The following MRTFA variants were observed in gnomAD, a reference collection of about 807,000 sequenced individuals.
The protein encoded by MRTFA is myocardin-related transcription factor A.
Under a neutral mutation model 83.5 loss-of-function variants are expected in MRTFA, and 20 were observed. The ratio of observed to expected loss-of-function variants is 0.24; its 90% CI spans 0.17 to 0.35. The LOEUF (loss-of-function observed/expected upper bound fraction) is 0.35, where lower values mean the gene tolerates loss of function less well. Among genes scored for constraint, MRTFA ranks in the 10% least tolerant of loss-of-function variants. The pLI is 1.00. For synonymous variants in MRTFA, 659 were observed against 541.2 expected (o/e 1.22, Z -3.02); for missense variants, 1,200 against 1,224.7 (o/e 0.98, Z 0.30).
intron 3 of MRTFA, among the ~76,000 whole-genome samples, chr22:40,487,747 A>G (rs2054196420): frequency 6.6e-6 from 1 of 152,226 alleles, no homozygotes; most frequent in Non-Finnish European, 1.5e-5. Flanking sequence ...TCTGGAGGCC[A>G]GAATCGTTAA....
chr22:40,533,319 T>G (rs1216792314), intron 3 of MRTFA, among the ~76,000 whole-genome samples: 1 of 152,222 alleles, frequency 6.6e-6, no homozygotes, highest in African/African-American at 2.4e-5. Flanking sequence ...AACACTTGAT[T>G]AAAGAAGACA....
At chr22:40,535,714 G>C (rs2055160092) in intron 3 of MRTFA, among the ~76,000 whole-genome samples, 1 of 152,066 alleles carries the variant, frequency 6.6e-6, no homozygotes, top group Non-Finnish European at 1.5e-5. Flanking sequence ...AGTTTTCACA[G>C]TTCGGTATTT....
intron 3 of MRTFA, among the ~76,000 whole-genome samples, chr22:40,470,263 A>ATT (rs1162118812): frequency 8.5e-6 from 1 of 117,354 alleles, no homozygotes; most frequent in African/African-American, 3.6e-5. Context: ...ATATATATAT[A>ATT]TATATATATA....
intron 1 of MRTFA, among the ~76,000 whole-genome samples, chr22:40,611,835 G>A (rs1340588225): frequency 6.6e-6 from 1 of 152,086 alleles, no homozygotes; most frequent in African/African-American, 2.4e-5. Flanking sequence ...GAAGCAATTT[G>A]GTTCTAGCAA....
intron 4 of MRTFA, among the ~76,000 whole-genome samples, chr22:40,442,527 A>G (rs886979856): frequency 6.7e-6 from 1 of 150,224 alleles, no homozygotes; most frequent in African/African-American, 2.5e-5. Flanking sequence ...CCATCCCTCC[A>G]TCTGCCCGCC....
At chr22:40,631,342 GA>G (rs1231077613) in intron 1 of MRTFA, among the ~76,000 whole-genome samples, 1 of 152,130 alleles carries the variant, frequency 6.6e-6, no homozygotes, top group African/African-American at 2.4e-5. Flanking sequence ...CCATGATAAT[GA>G]CATGCATGTA....
chr22:40,571,458 T>G (rs2055791539), intron 2 of MRTFA, among the ~76,000 whole-genome samples: 2 of 152,022 alleles, frequency 1.3e-5, no homozygotes, highest in Non-Finnish European at 2.9e-5. Context: ...TAAAGTTTTG[T>G]GCATCAAAGG....
At chr22:40,533,509 T>C in intron 3 of MRTFA, 3 of 837,598 alleles carry the variant, frequency 3.6e-6, no homozygotes, top group Non-Finnish European at 4.8e-6. Context: ...ATATGACCCA[T>C]TTTTTTTAAA....
chr22:40,615,275 C>T (rs59047419), intron 1 of MRTFA, among the ~76,000 whole-genome samples: 6 of 152,086 alleles, frequency 3.9e-5, no homozygotes, highest in African/African-American at 9.7e-5. Flanking sequence ...ATTATGTTTG[C>T]GCTATTGCTG....
intron 3 of MRTFA, among the ~76,000 whole-genome samples, chr22:40,488,555 G>A (rs1237910335): frequency 6.6e-6 from 1 of 152,012 alleles, no homozygotes; most frequent in Non-Finnish European, 1.5e-5. Flanking sequence ...TCAGCCGGGT[G>A]CAGTGGCTCA....
chr22:40,550,700 G>C (rs946248232), intron 3 of MRTFA, among the ~76,000 whole-genome samples: 10 of 151,866 alleles, frequency 6.6e-5, no homozygotes, highest in African/African-American at 2.4e-4. Flanking sequence ...TATTCACATG[G>C]GTAAATAATA....
chr22:40,584,869 C>G (rs914795107), intron 2 of MRTFA, among the ~76,000 whole-genome samples: 6 of 151,552 alleles, frequency 4.0e-5, no homozygotes, highest in African/African-American at 1.5e-4. Context: ...CATAGTGAAA[C>G]CCCATCTCTA....
chr22:40,629,802 T>G (rs2056622266), intron 1 of MRTFA, among the ~76,000 whole-genome samples: 1 of 146,344 alleles, frequency 6.8e-6, no homozygotes. Context: ...AAAAAAAAAT[T>G]AGCCAAGCAT....
intron 1 of MRTFA, among the ~76,000 whole-genome samples, chr22:40,620,245 C>T (rs986446585): frequency 1.3e-5 from 2 of 151,804 alleles, no homozygotes; most frequent in Non-Finnish European, 2.9e-5. Context: ...CCTACTCAGC[C>T]TCCCGAGTAG....
chr22:40,449,964 C>T (rs183963809), intron 4 of MRTFA, among the ~76,000 whole-genome samples: 13 of 152,288 alleles, frequency 8.5e-5, no homozygotes, highest in Non-Finnish European at 1.5e-4. Flanking sequence ...GGTCTTAGCA[C>T]CCAAAAGGTG....
chr22:40,487,965 A>C (rs1221971829), intron 3 of MRTFA, among the ~76,000 whole-genome samples: 2 of 152,234 alleles, frequency 1.3e-5, no homozygotes, highest in East Asian at 1.9e-4. Context: ...CGTGGAGAAA[A>C]AAAGAAGAAA....
At chr22:40,599,796 G>A (rs1297375456) in intron 1 of MRTFA, among the ~76,000 whole-genome samples, 1 of 151,986 alleles carries the variant, frequency 6.6e-6, no homozygotes, top group Admixed American at 6.6e-5. Context: ...CTACTCAGGA[G>A]GCTGAGGTAG....
At chr22:40,589,464 A>C (rs546555047) in intron 2 of MRTFA, among the ~76,000 whole-genome samples, 1 of 152,348 alleles carries the variant, frequency 6.6e-6, no homozygotes, top group Non-Finnish European at 1.5e-5. Flanking sequence ...CTGCTGAGCC[A>C]GGGTTCAAAC....
chr22:40,571,607 T>TGGGC (rs981428482), intron 2 of MRTFA, among the ~76,000 whole-genome samples: 19 of 152,028 alleles, frequency 1.2e-4, no homozygotes, highest in Non-Finnish European at 2.4e-4. Flanking sequence ...AATTTTAAAA[T>TGGGC]GGGCAATGGA....
Sources: allele counts gnomAD v4.1 joint callset (sites outside exome capture counted in the v4.1 genomes callset), GRCh38; gene constraint gnomAD v4.1.1; transcripts MANE v1.5; gene names NCBI Gene and HGNC (gene_info 2026-07-23, HGNC 2026-07-21).